Variants in PLEKHG3 observed in about 807,000 individuals in gnomAD.
PLEKHG3 encodes pleckstrin homology domain-containing family G member 3.
Under a neutral mutation model 94.9 loss-of-function variants are expected in PLEKHG3, and 62 were observed. The observed-to-expected ratio is 0.65, with a 90% CI of 0.53 to 0.81. PLEKHG3 has a LOEUF of 0.81. Ranked by LOEUF, PLEKHG3 falls within the 30% of genes least tolerant of loss-of-function variation. PLEKHG3 has a pLI of 0.00. For synonymous variants in PLEKHG3, 614 were observed against 654.0 expected, an observed-to-expected ratio of 0.94 and a Z score of 0.93; for missense variants, 1,461 against 1,619.3, an observed-to-expected ratio of 0.90 and a Z score of 1.68.
At position 64,741,378 on chromosome 14, in the gene PLEKHG3, CAGG is replaced by C. The variant is rs1443510823; in HGVS notation, c.1866_1868del (p.Glu622del). The C allele has an allele frequency of 5.0e-6, 8 of 1,613,272 alleles. No individual in the cohort carries two copies. Among genetic ancestry groups the C allele is most frequent in the Admixed American group, 3.3e-5 (2 of 60,000 alleles). On this transcript the variant is annotated inframe_deletion, in exon 16 of 17. Coordinates refer to ENST00000247226, the MANE Select transcript of PLEKHG3 (RefSeq NM_001308147.2). ...CTTCTCTCGGCGGAGCAGCGTGGCA[CAGG>C]AGGACAGCAAGTCCAGTGGCTTTGG...
In PLEKHG3 at chr14:64,747,421, T is replaced by C. The variant is rs2081864084; in HGVS notation, c.*3718T>C. 1 of 152,664 alleles carries C rather than the reference T, an allele frequency of 6.6e-6. No homozygotes were observed. 9.5% of individuals were successfully genotyped at this position (152,664 alleles called of 1,614,324 possible). A position where few individuals can be genotyped will look rare whatever the true frequency, so the allele number is the denominator to read the frequency against. ...GATACAGAAAGAGGCTGGTGAGTGA[T>C]ACACACTAGGTTCCCTGTATAGGGT... On this transcript the variant is annotated 3_prime_UTR_variant, in exon 17 of 17. Transcript: ENST00000247226.
Position 64,716,485 on chromosome 14 carries a change from CACACACACACA to C in PLEKHG3, c.-39-11096_-39-11086del, listed in dbSNP as rs1436573524. On this transcript the variant is annotated intron_variant, in intron 1 of 16. Coordinates refer to ENST00000247226, the MANE Select transcript of PLEKHG3 (RefSeq NM_001308147.2). The surrounding 1 kb of genome is among the most constrained non-coding windows in gnomAD (Gnocchi z 5.0). The stretch of plus-strand genomic sequence containing the variant: ...ACACACAACACACACACACACAACA[CACACACACACA>C]ACACACACACACACACACACACACA... Among the ~76,000 whole-genome samples the C allele has an allele frequency of 7.3e-4, 97 of 132,478 alleles. No individual in the cohort carries two copies. Among genetic ancestry groups the C allele is most frequent in the African/African-American group, 1.7e-3 (57 of 33,646 alleles). 86.9% of individuals were successfully genotyped at this position (132,478 alleles called of 152,430 possible).
chr14:64,710,853 C>G (rs1382335352), intron 1 of PLEKHG3, among the ~76,000 whole-genome samples: 2 of 151,248 alleles, frequency 1.3e-5, no homozygotes, highest in Non-Finnish European at 2.9e-5. Context: ...GAGGGAATGA[C>G]TTGGCACACC....
chr14:64,732,305 C>A lies in PLEKHG3; in HGVS notation c.1213-122C>A. 2 of 1,219,376 alleles carry A rather than the reference C, an allele frequency of 1.6e-6. No individual in the cohort carries two copies. The highest frequency in any genetic ancestry group is 1.2e-6 in the Non-Finnish European group (1 of 822,986). 75.5% of individuals were successfully genotyped at this position (1,219,376 alleles called of 1,614,324 possible). ...CAGTGGACAGTGAGTGTCAGTACAG[C>A]AGATGCCCCGGGCCTTGGTGCAGCA... On this transcript the variant is annotated intron_variant, in intron 10 of 16. Coordinates refer to ENST00000247226, the MANE Select transcript of PLEKHG3 (RefSeq NM_001308147.2). This position sits in a 1 kb window ranked among gnomAD's most constrained non-coding sequence, Gnocchi z 4.9.
In PLEKHG3 at chr14:64,749,466, A is replaced by G. The variant is rs2081907668; in HGVS notation, c.*5763A>G. The G allele has an allele frequency of 6.2e-7, 1 of 1,600,836 alleles. No homozygotes were observed. Among genetic ancestry groups the G allele is most frequent in the African/African-American group, 1.3e-5 (1 of 74,936 alleles). ...GCTCACGCCCTGCAGCCAGGACAGC[A>G]TCTCCTCCTGCGGGGCGGAGGGTCA... On this transcript the variant is annotated 3_prime_UTR_variant, in exon 17 of 17. Coordinates refer to ENST00000247226, the MANE Select transcript of PLEKHG3 (RefSeq NM_001308147.2). The surrounding 1 kb of genome is among the most constrained non-coding windows in gnomAD (Gnocchi z 4.7).
chr14:64,730,106 T>A lies in PLEKHG3; in HGVS notation c.450-137T>A, dbSNP rs924448103. The stretch of plus-strand genomic sequence containing the variant: ...TTGCTGCCTGGGGCAGGACTCCCTC[T>A]GAGGCTAGAAGCCCCAGTTCTTTAG... On this transcript the variant is annotated intron_variant, in intron 3 of 16. Coordinates refer to ENST00000247226, the MANE Select transcript of PLEKHG3 (RefSeq NM_001308147.2). The surrounding 1 kb of genome is among the most constrained non-coding windows in gnomAD (Gnocchi z 5.4). 1 of 602,988 alleles carries A rather than the reference T, an allele frequency of 1.7e-6. No individual in the cohort carries two copies. Among genetic ancestry groups the A allele is most frequent in the Admixed American group, 2.8e-5 (1 of 36,140 alleles). 37.4% of individuals were successfully genotyped at this position (602,988 alleles called of 1,614,324 possible).
chr14:64,716,493 C>CA lies in PLEKHG3; in HGVS notation c.-39-11099dup, dbSNP rs57381055. On this transcript the variant is annotated intron_variant, in intron 1 of 16. Transcript: ENST00000247226. This position sits in a 1 kb window ranked among gnomAD's most constrained non-coding sequence, Gnocchi z 5.0. ...CACACACACACACAACACACACACA[C>CA]ACAACACACACACACACACACACAC... 2.0e-3 allele frequency among the ~76,000 whole-genome samples: 178 copies of CA among 87,378 alleles called. 4 individuals carry two copies. The South Asian group carries it at 0.035, about 17-fold the overall frequency. 57.3% of individuals were successfully genotyped at this position (87,378 alleles called of 152,430 possible). A position where few individuals can be genotyped will look rare whatever the true frequency, so the allele number is the denominator to read the frequency against.
At chr14:64,714,906 A>G (rs541316077) in intron 1 of PLEKHG3, among the ~76,000 whole-genome samples, 6 of 152,130 alleles carry the variant, frequency 3.9e-5, no homozygotes, top group South Asian at 2.1e-4. Context: ...CCTGGGGGGA[A>G]AAAAGCACAA....
Position 64,747,729 on chromosome 14 carries a change from G to GTGAT in PLEKHG3, c.*4027_*4030dup, listed in dbSNP as rs1399079347. 1 of 152,288 alleles carries GTGAT rather than the reference G, an allele frequency of 6.6e-6. No homozygotes were observed. Among genetic ancestry groups the GTGAT allele is most frequent in the East Asian group, 1.9e-4 (1 of 5,192 alleles). The allele number at this position is 152,288 out of a possible 1,614,324, so 9.4% of individuals were successfully genotyped here. A position where few individuals can be genotyped will look rare whatever the true frequency, so the allele number is the denominator to read the frequency against. ...AACTAAGGTCCTTCTCACGGGGAAG[G>GTGAT]TGATAGAAACTTGACTGCAGGCCCT... On this transcript the variant is annotated 3_prime_UTR_variant, in exon 17 of 17. Transcript: ENST00000247226.
In PLEKHG3 at chr14:64,732,221, T is replaced by C. The variant is rs762962986; in HGVS notation, c.1212+40T>C. The C allele has an allele frequency of 2.2e-5, 34 of 1,554,182 alleles. No homozygotes were observed. The South Asian group carries it at 3.7e-4, about 17-fold the overall frequency. On this transcript the variant is annotated intron_variant, in intron 10 of 16. Transcript: ENST00000247226. The surrounding 1 kb of genome is among the most constrained non-coding windows in gnomAD (Gnocchi z 4.9). ...CTCCTGACTGTGTGCAAGGAGAATG[T>C]GCTCCTCTGAGCCAGCTCTGCAAGG...
At position 64,744,177 on chromosome 14, in the gene PLEKHG3, A is replaced by ATGTGCG. The variant is rs1419930323; in HGVS notation, c.*483_*488dup. Reference sequence around the variant, plus strand: ...TTATTGCTTTCCATTCTGTGGTATGATGTGCGTGTGCGTGAGTGTGTGGCC... The same window carrying ATGTGCG: ...TTATTGCTTTCCATTCTGTGGTATGATGTGCGTGTGCGTGTGCGTGAGTGTGTGGCC... On this transcript the variant is annotated 3_prime_UTR_variant, in exon 17 of 17. Coordinates refer to ENST00000247226, the MANE Select transcript of PLEKHG3 (RefSeq NM_001308147.2). The ATGTGCG allele has an allele frequency of 6.5e-6, 1 of 154,958 alleles. No homozygotes were observed. The highest frequency in any genetic ancestry group is 1.4e-5 in the Non-Finnish European group (1 of 69,900). The allele number at this position is 154,958 out of a possible 1,614,324, so 9.6% of individuals were successfully genotyped here.
At chr14:64,740,967 G>A in intron 15 of PLEKHG3, 69 bp from the exon 16 acceptor site, 1 of 1,316,044 alleles carries the variant, frequency 7.6e-7, no homozygotes, top group African/African-American at 1.5e-5. Flanking sequence ...AGGCCATGCT[G>A]TCCCCTTGTT....
chr14:64,708,567 A>C (rs189198464), intron 1 of PLEKHG3, among the ~76,000 whole-genome samples: 2 of 152,286 alleles, frequency 1.3e-5, no homozygotes, highest in Admixed American at 6.5e-5. Context: ...AAAGTAACAG[A>C]GTGACAGACA....
At position 64,732,291 on chromosome 14, in the gene PLEKHG3, G is replaced by A. The variant is rs549945673; in HGVS notation, c.1212+110G>A. 8.1e-6 allele frequency: 10 copies of A among 1,238,334 alleles called. No homozygotes were observed. Among genetic ancestry groups the A allele is most frequent in the Non-Finnish European group, 1.1e-5 (9 of 839,936 alleles). The allele number at this position is 1,238,334 out of a possible 1,614,324, so 76.7% of individuals were successfully genotyped here. ...CTGGATTTGGGCTCCAGTGGACAGT[G>A]AGTGTCAGTACAGCAGATGCCCCGG... On this transcript the variant is annotated intron_variant, in intron 10 of 16. Transcript: ENST00000247226. The surrounding 1 kb of genome is among the most constrained non-coding windows in gnomAD (Gnocchi z 4.9).
At chr14:64,737,000 T>A in intron 13 of PLEKHG3, 109 bp downstream of exon 13, 2 of 860,440 alleles carry the variant, frequency 2.3e-6, no homozygotes, top group Non-Finnish European at 4.0e-6. Flanking sequence ...ATTGTCAGAA[T>A]AGTGTAGAGG....
Position 64,744,363 on chromosome 14 carries a change from C to T in PLEKHG3, c.*660C>T, listed in dbSNP as rs1215994800. ...CCAACCCACTATGTGTGAACTCCTT[C>T]CTAGGCTTGGCTGGGGTAGGGAAGG... On this transcript the variant is annotated 3_prime_UTR_variant, in exon 17 of 17. Coordinates refer to ENST00000247226, the MANE Select transcript of PLEKHG3 (RefSeq NM_001308147.2). The T allele has an allele frequency of 6.6e-6, 1 of 152,630 alleles. No individual in the cohort carries two copies. The highest frequency in any genetic ancestry group is 2.4e-5 in the African/African-American group (1 of 41,440). 9.5% of individuals were successfully genotyped at this position (152,630 alleles called of 1,614,324 possible).
At position 64,749,224 on chromosome 14, in the gene PLEKHG3, G is replaced by GGGC; in HGVS notation, c.*5529_*5531dup. The GGGC allele has an allele frequency of 6.7e-7, 1 of 1,488,162 alleles. No individual in the cohort carries two copies. The highest frequency in any genetic ancestry group is 1.2e-5 in the South Asian group (1 of 82,560). The allele number at this position is 1,488,162 out of a possible 1,614,324, so 92.2% of individuals were successfully genotyped here. On this transcript the variant is annotated 3_prime_UTR_variant, in exon 17 of 17. Coordinates refer to ENST00000247226, the MANE Select transcript of PLEKHG3 (RefSeq NM_001308147.2). This position sits in a 1 kb window ranked among gnomAD's most constrained non-coding sequence, Gnocchi z 4.7. ...CTCGACTCATCTCGATTCGACCGGC[G>GGGC]GGCGGCGGCGAGAGGAGGCCAAGGC...
chr14:64,713,177 T>C (rs1283837881), intron 1 of PLEKHG3, among the ~76,000 whole-genome samples: 3 of 152,250 alleles, frequency 2.0e-5, no homozygotes, highest in African/African-American at 7.2e-5. Context: ...TGTATGGTTG[T>C]GGTTGCTAGA....
At chr14:64,736,351 G>T (rs1388722065) in intron 12 of PLEKHG3, among the ~76,000 whole-genome samples, 1 of 152,278 alleles carries the variant, frequency 6.6e-6, no homozygotes, top group East Asian at 1.9e-4. Context: ...GTGATGCCCA[G>T]CCTTAAGGGC....
Sources: allele counts gnomAD v4.1 joint callset (sites outside exome capture counted in the v4.1 genomes callset), GRCh38; gene constraint gnomAD v4.1.1; non-coding constraint Gnocchi (gnomAD v3.1); transcripts MANE v1.5; gene names NCBI Gene and HGNC (gene_info 2026-07-23, HGNC 2026-07-21).